Variants in CGRRF1 observed in about 807,000 individuals in gnomAD.
CGRRF1 encodes the protein cell growth regulator with RING finger domain protein 1.
A neutral mutation model predicts 37.2 loss-of-function variants in CGRRF1; 32 were observed. The ratio of observed to expected loss-of-function variants is 0.86; its 90% CI spans 0.65 to 1.16. The LOEUF (loss-of-function observed/expected upper bound fraction) is 1.16, where lower values mean the gene tolerates loss of function less well. Ranked by LOEUF, CGRRF1 falls within the 50% of genes most tolerant of loss-of-function variation. The probability of loss-of-function intolerance (pLI) is 0.00; values close to 1 mark genes in which losing one functional copy is unlikely to be tolerated. For synonymous variants in CGRRF1, 141 were observed against 140.3 expected (o/e 1.00, Z -0.04); for missense variants, 391 against 382.6 (o/e 1.02, Z -0.18).
chr14:54,526,123 T>C (rs1219867274), intron 2 of CGRRF1, among the ~76,000 whole-genome samples: 1 of 150,116 alleles, frequency 6.7e-6, no homozygotes, highest in African/African-American at 2.4e-5. Flanking sequence ...AAAACACACA[T>C]GCTTTTTATT....
intron 3 of CGRRF1, 25 bp from the exon 4 acceptor site, chr14:54,530,869 TATAGTGGCA>T: frequency 6.7e-7 from 1 of 1,500,432 alleles, no homozygotes; most frequent in Non-Finnish European, 9.2e-7. Flanking sequence ...TTCTTATGGT[TATAGTGGCA>T]ATTTACCTTT....
chr14:54,537,711 T>C lies in CGRRF1; in HGVS notation c.571-11T>C. 3 of 1,545,802 alleles carry C rather than the reference T, an allele frequency of 1.9e-6. No individual in the cohort carries two copies. Among genetic ancestry groups the C allele is most frequent in the Non-Finnish European group, 2.6e-6 (3 of 1,152,164 alleles). On this transcript the variant is annotated splice_polypyrimidine_tract_variant and intron_variant, in intron 4 of 5. Transcript: ENST00000216420. ...TTTTAAGTACTGACCAGTGTTCAAT[T>C]TTTATTTTAGATTTCCATGGTGTCA...
intron 1 of CGRRF1, among the ~76,000 whole-genome samples, chr14:54,520,724 T>TA (rs2032302868): frequency 6.6e-6 from 1 of 152,256 alleles, no homozygotes; most frequent in Non-Finnish European, 1.5e-5. Context: ...CATTTGATTG[T>TA]AGTAATAAGT....
At chr14:54,522,040 A>AC (rs1252829047) in intron 1 of CGRRF1, among the ~76,000 whole-genome samples, 3 of 152,018 alleles carry the variant, frequency 2.0e-5, no homozygotes, top group African/African-American at 4.8e-5. Context: ...TAGGATACCC[A>AC]CCCCCCATAT....
Position 54,519,411 on chromosome 14 carries a change from A to ATT in CGRRF1, c.105-3025_105-3024dup, listed in dbSNP as rs1217283462. Among the ~76,000 whole-genome samples the ATT allele has an allele frequency of 4.1e-4, 50 of 121,606 alleles. 1 individual carries two copies. The highest frequency in any genetic ancestry group is 1.6e-3 in the South Asian group (6 of 3,756). 79.8% of individuals were successfully genotyped at this position (121,606 alleles called of 152,430 possible). A position where few individuals can be genotyped will look rare whatever the true frequency, so the allele number is the denominator to read the frequency against. On this transcript the variant is annotated intron_variant, in intron 1 of 5. Transcript: ENST00000216420. ...CACCACCATGCCCAACTAATTTTCC[A>ATT]TTTTTTTTTTTTTTTTTTTGTAGAG...
intron 1 of CGRRF1, among the ~76,000 whole-genome samples, chr14:54,516,828 TTTG>T (rs1191222522): frequency 2.6e-5 from 4 of 152,184 alleles, no homozygotes; most frequent in East Asian, 3.8e-4. Flanking sequence ...ACTGATGCTT[TTTG>T]TTGTTGTTGT....
intron 4 of CGRRF1, among the ~76,000 whole-genome samples, chr14:54,532,022 G>A (rs2032524219): frequency 6.6e-6 from 1 of 152,036 alleles, no homozygotes; most frequent in African/African-American, 2.4e-5. Context: ...CTTAGGACAG[G>A]GCAAATATTC....
intron 2 of CGRRF1, among the ~76,000 whole-genome samples, chr14:54,527,629 CTT>C (rs1357686265): frequency 6.6e-6 from 1 of 151,862 alleles, no homozygotes; most frequent in Non-Finnish European, 1.5e-5. Context: ...AAACGAGTCT[CTT>C]AAGTAGCTCT....
chr14:54,535,014 C>T (rs2032577490), intron 4 of CGRRF1, among the ~76,000 whole-genome samples: 1 of 152,190 alleles, frequency 6.6e-6, no homozygotes, highest in Non-Finnish European at 1.5e-5. Context: ...CCACCACACC[C>T]AGCCTACCCA....
intron 2 of CGRRF1, among the ~76,000 whole-genome samples, chr14:54,527,211 CTT>C (rs963084839): frequency 1.3e-5 from 2 of 151,362 alleles, no homozygotes; most frequent in African/African-American, 4.9e-5. Context: ...AATTGAAACT[CTT>C]TGCAAAAAAA....
intron 1 of CGRRF1, among the ~76,000 whole-genome samples, chr14:54,517,646 G>A (rs1392202710): frequency 6.6e-6 from 1 of 151,914 alleles, no homozygotes; most frequent in Non-Finnish European, 1.5e-5. Context: ...AAGTTCTGGG[G>A]TACATGTGCA....
intron 1 of CGRRF1, among the ~76,000 whole-genome samples, chr14:54,521,200 C>T (rs1196876095): frequency 6.6e-6 from 1 of 152,204 alleles, no homozygotes; most frequent in East Asian, 1.9e-4. Context: ...GTGGCTCACG[C>T]CTGTAATCCC....
rs543927144 is a variant in CGRRF1, at chr14:54,531,962, A to G, written c.570+912A>G. Reference sequence around the variant, plus strand: ...TGTTTTGTGATATTCGTAATATGCAAAGTACGTTCACAAACATGAACTTAT... The same window carrying G: ...TGTTTTGTGATATTCGTAATATGCAGAGTACGTTCACAAACATGAACTTAT... On this transcript the variant is annotated intron_variant, in intron 4 of 5. Coordinates refer to ENST00000216420, the MANE Select transcript of CGRRF1 (RefSeq NM_006568.3). Among the ~76,000 whole-genome samples the G allele has an allele frequency of 3.2e-4, 49 of 152,296 alleles. 2 individuals are homozygous for G. The South Asian group carries it at 8.5e-3, about 26-fold the overall frequency.
chr14:54,519,110 T>A (rs1002509364), intron 1 of CGRRF1, among the ~76,000 whole-genome samples: 1 of 151,604 alleles, frequency 6.6e-6, no homozygotes, highest in Non-Finnish European at 1.5e-5. Flanking sequence ...GCCCAGCTAA[T>A]TTTTTTTGTA....
chr14:54,522,379 G>C (rs2032331017), intron 1 of CGRRF1, 75 bp from the exon 2 acceptor site: 13 of 1,063,140 alleles, frequency 1.2e-5, no homozygotes, highest in Non-Finnish European at 1.6e-5. Flanking sequence ...CGCTAATGAA[G>C]CACAACAGAT....
chr14:54,517,352 G>A (rs561108682), intron 1 of CGRRF1, among the ~76,000 whole-genome samples: 1 of 152,276 alleles, frequency 6.6e-6, no homozygotes, highest in East Asian at 1.9e-4. Flanking sequence ...TTGCTTTTCA[G>A]CTTTGTTAGG....
At chr14:54,515,215 A>G (rs1243189216) in intron 1 of CGRRF1, among the ~76,000 whole-genome samples, 1 of 151,382 alleles carries the variant, frequency 6.6e-6, no homozygotes, top group Non-Finnish European at 1.5e-5. Context: ...CAGCCTCCAG[A>G]GTAGCTGGGA....
intron 1 of CGRRF1, among the ~76,000 whole-genome samples, chr14:54,515,093 T>G (rs1405684965): frequency 1.4e-5 from 2 of 147,870 alleles, no homozygotes; most frequent in South Asian, 2.1e-4. Context: ...GTTTTTTGTT[T>G]TTTTTTTTTT....
intron 2 of CGRRF1, among the ~76,000 whole-genome samples, chr14:54,525,356 G>A (rs549735634): frequency 6.8e-4 from 104 of 152,312 alleles, no homozygotes; most frequent in African/African-American, 2.3e-3. Flanking sequence ...CCAGCCTTGC[G>A]AATGTTTGAG....
Sources: allele counts gnomAD v4.1 joint callset (sites outside exome capture counted in the v4.1 genomes callset), GRCh38; gene constraint gnomAD v4.1.1; transcripts MANE v1.5; gene names NCBI Gene and HGNC (gene_info 2026-07-23, HGNC 2026-07-21).